Variants in SH3RF3 observed in about 807,000 individuals in gnomAD.
SH3RF3 encodes the protein SH3 domain containing ring finger 3.
Under a neutral mutation model 66.3 loss-of-function variants are expected in SH3RF3, and 29 were observed. That is an observed-to-expected ratio of 0.44 (90% CI 0.33 to 0.60). SH3RF3 has a LOEUF of 0.60. SH3RF3 is among the 20% of genes least tolerant of loss of function. SH3RF3 has a pLI of 0.04. For synonymous variants in SH3RF3, 583 were observed against 532.0 expected (o/e 1.10, Z -1.32); for missense variants, 1,194 against 1,190.9 (o/e 1.00, Z -0.04).
At chr2:109,264,049 C>T (rs187367256) in intron 1 of SH3RF3, among the ~76,000 whole-genome samples, 1 of 152,352 alleles carries the variant, frequency 6.6e-6, no homozygotes, top group Admixed American at 6.5e-5. Flanking sequence ...TTTGCAAAAC[C>T]ATCTGGGCTG....
intron 7 of SH3RF3, among the ~76,000 whole-genome samples, chr2:109,440,769 G>C (rs191315136): frequency 6.6e-6 from 1 of 152,270 alleles, no homozygotes; most frequent in Non-Finnish European, 1.5e-5. Context: ...CCAGAGAGGA[G>C]AGAACAGCAC....
intron 8 of SH3RF3, among the ~76,000 whole-genome samples, chr2:109,470,249 G>A (rs541046630): frequency 6.6e-6 from 1 of 152,304 alleles, no homozygotes; most frequent in African/African-American, 2.4e-5. Context: ...TCATCAATAA[G>A]TGATGGGAGT....
intron 9 of SH3RF3, among the ~76,000 whole-genome samples, chr2:109,494,429 A>G (rs1483543626): frequency 6.6e-6 from 1 of 152,316 alleles, no homozygotes; most frequent in East Asian, 1.9e-4. Flanking sequence ...GCTGCCTGGT[A>G]TCCTGGGGAG....
chr2:109,139,703 G>A (rs945667854), intron 1 of SH3RF3, among the ~76,000 whole-genome samples: 13 of 152,190 alleles, frequency 8.5e-5, no homozygotes, highest in South Asian at 4.1e-4. Flanking sequence ...ATGAGGTGAC[G>A]TATATCAGAT....
intron 1 of SH3RF3, among the ~76,000 whole-genome samples, chr2:109,176,897 G>A (rs759919022): frequency 1.3e-5 from 2 of 152,208 alleles, no homozygotes; most frequent in Non-Finnish European, 2.9e-5. Flanking sequence ...CTGAAGGATA[G>A]GGATGCATTT....
At chr2:109,183,651 T>C (rs184758513) in intron 1 of SH3RF3, among the ~76,000 whole-genome samples, 1 of 152,350 alleles carries the variant, frequency 6.6e-6, no homozygotes, top group Admixed American at 6.5e-5. Flanking sequence ...CCACTCACTC[T>C]TTGATTCTGA....
chr2:109,287,695 G>A (rs1681061540), intron 1 of SH3RF3, among the ~76,000 whole-genome samples: 1 of 152,154 alleles, frequency 6.6e-6, no homozygotes, highest in Non-Finnish European at 1.5e-5. Context: ...TCCTATCAGA[G>A]GCCTCAGATC....
At chr2:109,485,238 TG>T (rs35074859) in intron 8 of SH3RF3, among the ~76,000 whole-genome samples, 28,271 of 152,198 alleles carry the variant, frequency 0.19, 3,315 homozygotes, top group Admixed American at 0.29. Flanking sequence ...TTGAAAGAAG[TG>T]GTGGGACAGC....
chr2:109,468,127 C>T (rs772995804), intron 8 of SH3RF3, among the ~76,000 whole-genome samples: 13 of 152,326 alleles, frequency 8.5e-5, no homozygotes, highest in Non-Finnish European at 1.6e-4. Flanking sequence ...AAAAACGCGT[C>T]GTTTGGTGAT....
chr2:109,186,654 G>A (rs36082325), intron 1 of SH3RF3, among the ~76,000 whole-genome samples: 6 of 152,068 alleles, frequency 3.9e-5, no homozygotes, highest in Non-Finnish European at 8.8e-5. Context: ...GAGCCCCCTA[G>A]GAAGACCCTG....
intron 1 of SH3RF3, among the ~76,000 whole-genome samples, chr2:109,148,796 T>G (rs1163502553): frequency 6.6e-6 from 1 of 152,244 alleles, no homozygotes; most frequent in African/African-American, 2.4e-5. Flanking sequence ...TGGTGTTCTT[T>G]TATTTTTAGG....
At chr2:109,438,574 A>G (rs1677475780) in intron 7 of SH3RF3, among the ~76,000 whole-genome samples, 1 of 152,174 alleles carries the variant, frequency 6.6e-6, no homozygotes, top group African/African-American at 2.4e-5. Context: ...TAAATCAGCT[A>G]AGAATGATTC....
intron 3 of SH3RF3, among the ~76,000 whole-genome samples, chr2:109,375,049 A>G (rs1265969160): frequency 6.6e-6 from 1 of 152,038 alleles, no homozygotes; most frequent in Non-Finnish European, 1.5e-5. Flanking sequence ...GAGGAGGTGG[A>G]CCCCGCCCTG....
intron 8 of SH3RF3, among the ~76,000 whole-genome samples, chr2:109,456,770 A>G (rs1052535937): frequency 5.3e-5 from 8 of 152,330 alleles, no homozygotes; most frequent in South Asian, 4.1e-4. Flanking sequence ...GCCCAAGGCC[A>G]CACAACGAGT....
intron 1 of SH3RF3, among the ~76,000 whole-genome samples, chr2:109,312,868 A>AT (rs1681763515): frequency 6.6e-6 from 1 of 152,074 alleles, no homozygotes; most frequent in Non-Finnish European, 1.5e-5. Context: ...CCTGTCTTAG[A>AT]TTTTGGGTGT....
intron 1 of SH3RF3, among the ~76,000 whole-genome samples, chr2:109,135,964 A>G (rs1470163571): frequency 2.6e-5 from 4 of 152,230 alleles, no homozygotes; most frequent in African/African-American, 9.6e-5. Flanking sequence ...TTGGCAGGCT[A>G]TCCTGAAAAC....
chr2:109,161,921 G>T (rs1305604322), intron 1 of SH3RF3, among the ~76,000 whole-genome samples: 1 of 152,046 alleles, frequency 6.6e-6, no homozygotes, highest in African/African-American at 2.4e-5. Flanking sequence ...CTATCACTCA[G>T]TGGTGCCTCC....
At chr2:109,403,914 G>C (rs1383618664) in intron 4 of SH3RF3, among the ~76,000 whole-genome samples, 1 of 152,222 alleles carries the variant, frequency 6.6e-6, no homozygotes, top group Admixed American at 6.5e-5. Flanking sequence ...GGTGGAGTGA[G>C]GGCGTGCGTG....
At chr2:109,189,382 C>CTTT (rs1197474211) in intron 1 of SH3RF3, among the ~76,000 whole-genome samples, 1 of 104,288 alleles carries the variant, frequency 9.6e-6, no homozygotes, top group Non-Finnish European at 2.1e-5. Context: ...TTTTTTTTTT[C>CTTT]TTTTTTTTGA....
Sources: gnomAD v4.1 joint callset for allele counts (sites outside exome capture counted in the v4.1 genomes callset) on GRCh38, gnomAD v4.1.1 for gene constraint, MANE v1.5 for transcripts, NCBI Gene and HGNC (gene_info 2026-07-23, HGNC 2026-07-21) for gene names.